ADAP2: variants seen among roughly 807,000 people sequenced by gnomAD.
ADAP2 encodes ArfGAP with dual PH domains 2, also known as arf-GAP with dual PH domain-containing protein 2.
A neutral mutation model predicts 54.9 loss-of-function variants in ADAP2; 42 were observed. That is an observed-to-expected ratio of 0.77 (90% CI 0.60 to 0.99). The LOEUF is 0.99. ADAP2 is among the 50% of genes least tolerant of loss of function. The pLI is 0.00. For missense variants in ADAP2, 429 were observed against 480.4 expected, an observed-to-expected ratio of 0.89 and a Z score of 1.00; for synonymous variants, 177 against 180.1, an observed-to-expected ratio of 0.98 and a Z score of 0.14.
At chr17:30,940,335 C>T (rs908923781) in intron 5 of ADAP2, among the ~76,000 whole-genome samples, 4 of 149,998 alleles carry the variant, frequency 2.7e-5, no homozygotes, top group East Asian at 1.9e-4. Flanking sequence ...GATGGAGTCT[C>T]GCTTCATCGC....
chr17:30,952,193 G>T (rs1459671986), intron 7 of ADAP2, among the ~76,000 whole-genome samples: 4 of 152,110 alleles, frequency 2.6e-5, no homozygotes, highest in Non-Finnish European at 5.9e-5. Context: ...AGGCTGGAAG[G>T]GATGCTGGGG....
chr17:30,922,798 C>T, intron 1 of ADAP2, 142 bp from the exon 2 acceptor site: 1 of 938,882 alleles, frequency 1.1e-6, no homozygotes, highest in South Asian at 1.7e-5. Context: ...GGCCGGTGGG[C>T]TAACCAGAAG....
At position 30,935,938 on chromosome 17, in the gene ADAP2, T is replaced by A. The variant is rs1028093367; in HGVS notation, c.510+1641T>A. 4.6e-5 allele frequency among the ~76,000 whole-genome samples: 7 copies of A among 152,170 alleles called. 1 individual carries two copies. Among genetic ancestry groups the A allele is most frequent in the African/African-American group, 1.7e-4 (7 of 41,432 alleles). On this transcript the variant is annotated intron_variant, in intron 5 of 10. Coordinates refer to ENST00000330889, the MANE Select transcript of ADAP2 (RefSeq NM_018404.3). ...TTATTGAGATACAATTCACATACCA[T>A]ATAATTCACCCATTAAAAGTATGCA...
chr17:30,932,010 G>C, intron 4 of ADAP2, 42 bp downstream of exon 4: 1 of 1,583,422 alleles, frequency 6.3e-7, no homozygotes, highest in African/African-American at 1.3e-5. Context: ...ATGTTTTAAT[G>C]AGCTCTAGAA....
In ADAP2 at chr17:30,953,502, G is replaced by T. The variant is rs2232277; in HGVS notation, c.804+152G>T. ...CATGGGCCACATGCAACCCAGGACGGCTTGGAATGATGCCCAACAGAAATT... is the reference window on the plus strand; with the variant it reads ...CATGGGCCACATGCAACCCAGGACGTCTTGGAATGATGCCCAACAGAAATT... On this transcript the variant is annotated intron_variant, in intron 8 of 10. Transcript: ENST00000330889. 567 of 699,722 alleles carry T rather than the reference G, an allele frequency of 8.1e-4. 2 individuals are homozygous for T. Among genetic ancestry groups the T allele is most frequent in the Admixed American group, 1.1e-3 (39 of 34,342 alleles). 43.3% of individuals were successfully genotyped at this position (699,722 alleles called of 1,614,324 possible). A position where few individuals can be genotyped will look rare whatever the true frequency, so the allele number is the denominator to read the frequency against.
chr17:30,940,015 A>C (rs941644770), intron 5 of ADAP2, among the ~76,000 whole-genome samples: 2 of 152,100 alleles, frequency 1.3e-5, no homozygotes, highest in South Asian at 2.1e-4. Context: ...AGGCTGGAGT[A>C]CAGTGGTGCA....
chr17:30,929,108 G>C (rs531983023), intron 3 of ADAP2, among the ~76,000 whole-genome samples: 1 of 152,308 alleles, frequency 6.6e-6, no homozygotes, highest in East Asian at 1.9e-4. Context: ...TTTCTACTTG[G>C]AAGACCTCAG....
In ADAP2 at chr17:30,923,044, G is replaced by C. The variant is rs1910757043; in HGVS notation, c.199G>C (p.Asp67His). 1.2e-6 allele frequency: 2 copies of C among 1,613,974 alleles called. No individual in the cohort carries two copies. The highest frequency in any genetic ancestry group is 1.3e-5 in the African/African-American group (1 of 75,052). ...DISRVKSVRL[D>H]FWDDSIVEFM... ...CAGCAGAGTTAAATCTGTGCGACTT[G>C]ACTTCTGGGACGACAGTATTGTGGA... Residue 67 changes from aspartate (D) to histidine (H), a missense_variant, in exon 2 of 11, where the codon GAC (aspartate) becomes CAC (histidine). Physicochemically the swap from Asp to His is moderately conservative, Grantham distance 81. Coordinates refer to ENST00000330889, the MANE Select transcript of ADAP2 (RefSeq NM_018404.3).
In ADAP2 at chr17:30,922,207, C is replaced by T. The variant is rs1055611947; in HGVS notation, c.94+99C>T. ...CCCACCGGGTCCCGCCCTCGGCCCCCTGGACCCAGACGTGGCACCTGCGGG... is the reference window on the plus strand; with the variant it reads ...CCCACCGGGTCCCGCCCTCGGCCCCTTGGACCCAGACGTGGCACCTGCGGG... On this transcript the variant is annotated intron_variant, in intron 1 of 10. Coordinates refer to ENST00000330889, the MANE Select transcript of ADAP2 (RefSeq NM_018404.3). 11 of 913,670 alleles carry T rather than the reference C, an allele frequency of 1.2e-5. No homozygotes were observed. In the East Asian group the frequency reaches 3.2e-4, roughly 26 times the overall value. The allele number at this position is 913,670 out of a possible 1,614,324, so 56.6% of individuals were successfully genotyped here.
At chr17:30,941,347 T>A (rs537706736) in intron 5 of ADAP2, among the ~76,000 whole-genome samples, 47 of 152,262 alleles carry the variant, frequency 3.1e-4, no homozygotes, top group Non-Finnish European at 5.0e-4. Flanking sequence ...TTCAACATCA[T>A]CTTGTCCCTC....
chr17:30,923,203 T>C, intron 2 of ADAP2, 133 bp downstream of exon 2: 1 of 1,019,268 alleles, frequency 9.8e-7, no homozygotes, highest in South Asian at 1.4e-5. Context: ...GAAACACAGC[T>C]TATAAGATGG....
rs1021287166 is a variant in ADAP2, at chr17:30,923,043, T to C, written c.198T>C (p.Leu66=). 4 of 1,613,782 alleles carry C rather than the reference T, an allele frequency of 2.5e-6. No homozygotes were observed. Among genetic ancestry groups the C allele is most frequent in the Admixed American group, 3.3e-5 (2 of 59,980 alleles). Residue 66 remains leucine, a synonymous_variant, in exon 2 of 11, where the codon CTT becomes CTC. Transcript: ENST00000330889. The part of the protein sequence containing the change: ...PDISRVKSVR[L]DFWDDSIVEF... ...TCAGCAGAGTTAAATCTGTGCGACTTGACTTCTGGGACGACAGTATTGTGG... is the reference window on the plus strand; with the variant it reads ...TCAGCAGAGTTAAATCTGTGCGACTCGACTTCTGGGACGACAGTATTGTGG...
intron 5 of ADAP2, 82 bp downstream of exon 5, chr17:30,934,379 CT>C: frequency 1.1e-6 from 1 of 920,396 alleles, no homozygotes. Flanking sequence ...CAGTGGTGCC[CT>C]TTTCTTGTAG....
At position 30,921,974 on chromosome 17, in the gene ADAP2, CGGGCCATG is replaced by C; in HGVS notation, c.-38_-31del. ...CTCTCCACCTGCCGGGCGGAGCGCA[CGGGCCATG>C]GGCTGAGCCCCGCTGAGCCCGCCGG... On this transcript the variant is annotated 5_prime_UTR_variant, in exon 1 of 11. It removes an upstream start codon present in the reference 5' UTR. Transcript: ENST00000330889. 1.7e-6 allele frequency: 2 copies of C among 1,209,824 alleles called. No homozygotes were observed. The allele number at this position is 1,209,824 out of a possible 1,614,324, so 74.9% of individuals were successfully genotyped here.
intron 6 of ADAP2, among the ~76,000 whole-genome samples, chr17:30,946,874 G>A (rs1468658013): frequency 1.3e-5 from 2 of 152,212 alleles, no homozygotes; most frequent in Non-Finnish European, 2.9e-5. Context: ...GGAACCAGAT[G>A]CAGGGACTAG....
intron 8 of ADAP2, among the ~76,000 whole-genome samples, chr17:30,953,904 A>G (rs1463874386): frequency 6.6e-6 from 1 of 151,690 alleles, no homozygotes; most frequent in Non-Finnish European, 1.5e-5. Context: ...CTCATCAGCT[A>G]TCATTAGTGT....
intron 6 of ADAP2, among the ~76,000 whole-genome samples, chr17:30,948,478 G>C (rs1373804453): frequency 6.6e-6 from 1 of 152,102 alleles, no homozygotes; most frequent in Non-Finnish European, 1.5e-5. Flanking sequence ...GCTGAGGCAG[G>C]AGAATGGTGT....
At chr17:30,940,559 T>A (rs1026082048) in intron 5 of ADAP2, among the ~76,000 whole-genome samples, 3 of 151,920 alleles carry the variant, frequency 2.0e-5, no homozygotes, top group African/African-American at 7.3e-5. Context: ...CCCGCCTTGG[T>A]CTCTGAAAGT....
chr17:30,948,095 T>C (rs1461658461), intron 6 of ADAP2, among the ~76,000 whole-genome samples: 7 of 152,072 alleles, frequency 4.6e-5, no homozygotes, highest in Non-Finnish European at 1.0e-4. Flanking sequence ...GTAAAAGGTG[T>C]GTGTGGGATG....
Sources: allele counts gnomAD v4.1 joint callset (sites outside exome capture counted in the v4.1 genomes callset), GRCh38; gene constraint gnomAD v4.1.1; transcripts MANE v1.5; gene names NCBI Gene and HGNC (gene_info 2026-07-23, HGNC 2026-07-21).